The following AGTPBP1 variants were observed in gnomAD, a reference collection of about 807,000 sequenced individuals.
AGTPBP1 encodes the protein cytosolic carboxypeptidase 1.
AGTPBP1 carries 70 observed loss-of-function variants against 143.9 expected under a neutral mutation model. That is an observed-to-expected ratio of 0.49 (90% CI 0.40 to 0.59). The LOEUF is 0.59. AGTPBP1 is among the 20% of genes least tolerant of loss of function. AGTPBP1 has a pLI of 0.00. For missense variants in AGTPBP1, 1,229 were observed against 1,464.5 expected (o/e 0.84, Z 2.62); for synonymous variants, 463 against 500.2 (o/e 0.93, Z 0.99).
At chr9:85,613,014 T>C (rs1830410800) in intron 17 of AGTPBP1, among the ~76,000 whole-genome samples, 1 of 152,024 alleles carries the variant, frequency 6.6e-6, no homozygotes, top group African/African-American at 2.4e-5. Flanking sequence ...CTGCAAATCA[T>C]AAATTCCACA....
chr9:85,718,491 C>A (rs1837870153), intron 1 of AGTPBP1, among the ~76,000 whole-genome samples: 1 of 152,100 alleles, frequency 6.6e-6, no homozygotes, highest in Non-Finnish European at 1.5e-5. Flanking sequence ...ATGTTCATAT[C>A]CTTTGCCCAC....
intron 8 of AGTPBP1, among the ~76,000 whole-genome samples, chr9:85,665,120 C>G (rs1280768875): frequency 2.0e-5 from 3 of 152,128 alleles, no homozygotes; most frequent in Non-Finnish European, 4.4e-5. Flanking sequence ...CCCAATACCT[C>G]CAAATATGAC....
the AGTPBP1 span, among the ~76,000 whole-genome samples, chr9:85,781,830 G>A: frequency 9.2e-5 from 14 of 152,058 alleles, no homozygotes; most frequent in African/African-American, 3.1e-4. Flanking sequence ...ATGTTTCCTT[G>A]TATAATCATA....
At chr9:85,756,863 T>C in the AGTPBP1 span, among the ~76,000 whole-genome samples, 1 of 152,228 alleles carries the variant, frequency 6.6e-6, no homozygotes, top group South Asian at 2.1e-4. Context: ...CTTTGTATAA[T>C]ACCATTTGTA....
At chr9:85,557,340 ATC>A (rs1264384925) in intron 25 of AGTPBP1, among the ~76,000 whole-genome samples, 2 of 152,186 alleles carry the variant, frequency 1.3e-5, no homozygotes, top group South Asian at 4.1e-4. Context: ...GATGATTTCA[ATC>A]TCTCTATTTG....
chr9:85,759,521 A>T, the AGTPBP1 span, among the ~76,000 whole-genome samples: 1 of 152,100 alleles, frequency 6.6e-6, no homozygotes, highest in Admixed American at 6.6e-5. Flanking sequence ...CTGAATGACT[A>T]CTGGGTACAT....
chr9:85,588,702 G>A (rs1233203854), intron 20 of AGTPBP1, among the ~76,000 whole-genome samples: 6 of 152,052 alleles, frequency 3.9e-5, no homozygotes, highest in Non-Finnish European at 7.4e-5. Flanking sequence ...ACATAAAACA[G>A]TAAGTAGTAT....
At chr9:85,571,996 T>TTGTG (rs1295845901) in intron 25 of AGTPBP1, among the ~76,000 whole-genome samples, 42 of 125,876 alleles carry the variant, frequency 3.3e-4, no homozygotes, top group Non-Finnish European at 5.1e-4. Flanking sequence ...TATTAGTTGT[T>TTGTG]TGTGTGTGTT....
chr9:85,763,558 CAA>C, the AGTPBP1 span, among the ~76,000 whole-genome samples: 4 of 150,842 alleles, frequency 2.7e-5, no homozygotes, highest in African/African-American at 7.3e-5. Flanking sequence ...CTATGAATAA[CAA>C]AGTTATAATA....
At chr9:85,672,013 T>C (rs1312290867) in intron 7 of AGTPBP1, among the ~76,000 whole-genome samples, 1 of 152,050 alleles carries the variant, frequency 6.6e-6, no homozygotes, top group Non-Finnish European at 1.5e-5. Context: ...TCCTCCTCAC[T>C]CCTATCCTTT....
chr9:85,772,747 C>T, the AGTPBP1 span, among the ~76,000 whole-genome samples: 9 of 151,986 alleles, frequency 5.9e-5, no homozygotes, highest in Non-Finnish European at 1.0e-4. Context: ...GAGTGAGACT[C>T]CATCTTAACA....
chr9:85,616,253 T>C (rs1830595281), intron 17 of AGTPBP1, among the ~76,000 whole-genome samples: 3 of 151,982 alleles, frequency 2.0e-5, no homozygotes, highest in Admixed American at 2.0e-4. Context: ...CATACAAGAA[T>C]ATCCAAAGGA....
chr9:85,689,828 G>A (rs1174580608), intron 3 of AGTPBP1, among the ~76,000 whole-genome samples: 2 of 144,192 alleles, frequency 1.4e-5, no homozygotes, highest in Non-Finnish European at 3.0e-5. Context: ...TCGGGAAGTG[G>A]AGGTTGCCAT....
chr9:85,612,882 GTT>G (rs34585790), intron 17 of AGTPBP1, among the ~76,000 whole-genome samples: 2,509 of 147,008 alleles, frequency 0.017, 29 homozygotes, highest in Middle Eastern at 0.056. Flanking sequence ...AGAAAAACAG[GTT>G]TTTTTTTTTT....
intron 17 of AGTPBP1, among the ~76,000 whole-genome samples, chr9:85,603,030 C>G (rs531805259): frequency 1.3e-5 from 2 of 152,314 alleles, no homozygotes; most frequent in South Asian, 4.1e-4. Context: ...CTAGCCCCAC[C>G]ACCGAAGGCT....
At chr9:85,772,468 C>T in the AGTPBP1 span, among the ~76,000 whole-genome samples, 1 of 152,196 alleles carries the variant, frequency 6.6e-6, no homozygotes, top group Non-Finnish European at 1.5e-5. Context: ...CATAACATGG[C>T]TGGGTGTGGT....
intron 1 of AGTPBP1, chr9:85,741,318 G>GCCCT: frequency 1.0e-6 from 1 of 985,414 alleles, no homozygotes; most frequent in Non-Finnish European, 1.2e-6. Flanking sequence ...GAAGCACAGG[G>GCCCT]GCCCGCGATT....
chr9:85,685,057 T>C (rs1005031016), intron 3 of AGTPBP1, among the ~76,000 whole-genome samples: 4 of 149,914 alleles, frequency 2.7e-5, no homozygotes, highest in Non-Finnish European at 5.9e-5. Flanking sequence ...AAACTGACAA[T>C]AGAACAATAG....
chr9:85,660,561 A>C (rs1489604798), intron 9 of AGTPBP1, among the ~76,000 whole-genome samples: 1 of 152,168 alleles, frequency 6.6e-6, no homozygotes, highest in Admixed American at 6.6e-5. Flanking sequence ...TCACAAAATC[A>C]GAGACAGTAG....
Sources: allele counts gnomAD v4.1 joint callset (sites outside exome capture counted in the v4.1 genomes callset), GRCh38; gene constraint gnomAD v4.1.1; transcripts MANE v1.5; gene names NCBI Gene and HGNC (gene_info 2026-07-23, HGNC 2026-07-21).